The following CDH12 variants were observed in gnomAD, a reference collection of about 807,000 sequenced individuals.
CDH12 encodes the protein cadherin 12.
CDH12 carries 41 observed loss-of-function variants against 74.1 expected under a neutral mutation model. The ratio of observed to expected loss-of-function variants is 0.55; its 90% CI spans 0.43 to 0.72. CDH12 has a LOEUF of 0.72. CDH12 is among the 30% of genes least tolerant of loss of function. CDH12 has a pLI of 0.00. For synonymous variants in CDH12, 399 were observed against 355.0 expected, an observed-to-expected ratio of 1.12 and a Z score of -1.39; for missense variants, 945 against 977.2, an observed-to-expected ratio of 0.97 and a Z score of 0.44.
At chr5:22,191,443 G>T (rs1391019521) in intron 4 of CDH12, among the ~76,000 whole-genome samples, 18 of 151,792 alleles carry the variant, frequency 1.2e-4, no homozygotes, top group Non-Finnish European at 2.2e-4. Flanking sequence ...AATGATAAAT[G>T]GTGTCATATT....
chr5:21,893,160 T>C (rs1752969055), intron 6 of CDH12, among the ~76,000 whole-genome samples: 1 of 152,172 alleles, frequency 6.6e-6, no homozygotes, highest in African/African-American at 2.4e-5. Context: ...GTAAACGACT[T>C]AGAAGAGTTT....
intron 5 of CDH12, among the ~76,000 whole-genome samples, chr5:22,058,300 G>T (rs1480175702): frequency 1.3e-5 from 2 of 151,974 alleles, no homozygotes; most frequent in Non-Finnish European, 2.9e-5. Context: ...CAGACAATCT[G>T]TCTGCCTCGG....
At chr5:22,649,752 G>C (rs79837194) in intron 1 of CDH12, among the ~76,000 whole-genome samples, 7,965 of 151,874 alleles carry the variant, frequency 0.052, 619 homozygotes, top group African/African-American at 0.17. Context: ...CTTCAGAAAA[G>C]CTTTTTTGCA....
chr5:22,633,560 C>T (rs1349352495), intron 1 of CDH12, among the ~76,000 whole-genome samples: 1 of 152,098 alleles, frequency 6.6e-6, no homozygotes, highest in Non-Finnish European at 1.5e-5. Flanking sequence ...GTAGATGGAC[C>T]TCTCCAGTTG....
chr5:21,924,258 T>C (rs545562891), intron 6 of CDH12, among the ~76,000 whole-genome samples: 4 of 152,220 alleles, frequency 2.6e-5, no homozygotes, highest in Non-Finnish European at 5.9e-5. Flanking sequence ...CCGGGCACGG[T>C]GGTTCACGCC....
At chr5:21,948,316 G>A (rs887351195) in intron 6 of CDH12, among the ~76,000 whole-genome samples, 92 of 152,178 alleles carry the variant, frequency 6.0e-4, no homozygotes, top group African/African-American at 2.1e-3. Flanking sequence ...TGAAGGAACT[G>A]CCCAAGGCCA....
chr5:22,244,745 AAAG>A (rs1369961490), intron 3 of CDH12, among the ~76,000 whole-genome samples: 4 of 22,772 alleles, frequency 1.8e-4, no homozygotes, highest in Admixed American at 1.0e-3. Flanking sequence ...GAAAGAAAAG[AAAG>A]AAAGAAAGAA....
intron 5 of CDH12, among the ~76,000 whole-genome samples, chr5:22,016,585 C>T (rs1256508405): frequency 2.0e-5 from 3 of 151,946 alleles, no homozygotes; most frequent in Non-Finnish European, 2.9e-5. Context: ...GGGGTTTCAC[C>T]ATGTTGGCCA....
intron 4 of CDH12, among the ~76,000 whole-genome samples, chr5:22,102,600 C>A (rs1477750450): frequency 6.6e-6 from 1 of 151,898 alleles, no homozygotes; most frequent in Non-Finnish European, 1.5e-5. Flanking sequence ...ACCCGGGAGG[C>A]GTAGGTTGCA....
intron 1 of CDH12, among the ~76,000 whole-genome samples, chr5:22,605,192 A>T (rs977371526): frequency 1.3e-5 from 2 of 152,128 alleles, no homozygotes; most frequent in African/African-American, 4.8e-5. Context: ...CTGGCTTTGG[A>T]CCTCAGCTGT....
chr5:21,801,844 T>A (rs1027234807), intron 10 of CDH12, among the ~76,000 whole-genome samples: 3 of 152,224 alleles, frequency 2.0e-5, no homozygotes, highest in African/African-American at 7.2e-5. Context: ...TTACTAATTA[T>A]GAGAATCATT....
chr5:22,337,515 G>A (rs1404857301), intron 3 of CDH12, among the ~76,000 whole-genome samples: 1 of 152,116 alleles, frequency 6.6e-6, no homozygotes, highest in Non-Finnish European at 1.5e-5. Flanking sequence ...CTGGTCTCAT[G>A]ATAGTGAATG....
rs1479540898 is a variant in CDH12, at chr5:22,117,496, TATATA to T, written c.-186-38639_-186-38635del. On this transcript the variant is annotated intron_variant, in intron 4 of 14. Coordinates refer to ENST00000382254, the MANE Select transcript of CDH12 (RefSeq NM_004061.5). ...ATATATATTATATATATATTATATA[TATATA>T]ATATATATATAATATATATATAATA... is the stretch of plus-strand genomic sequence containing the variant. Among the ~76,000 whole-genome samples the T allele has an allele frequency of 3.3e-4, 25 of 74,638 alleles. 1 individual carries two copies. The highest frequency in any genetic ancestry group is 1.4e-3 in the African/African-American group (23 of 15,980). 49.0% of individuals were successfully genotyped at this position (74,638 alleles called of 152,430 possible).
chr5:22,150,364 T>G (rs1747484177), intron 4 of CDH12, among the ~76,000 whole-genome samples: 1 of 152,144 alleles, frequency 6.6e-6, no homozygotes, highest in South Asian at 2.1e-4. Flanking sequence ...TGCAAAGCCC[T>G]CAAAGTCAAG....
At chr5:21,950,749 AATTTT>A (rs1477148058) in intron 6 of CDH12, among the ~76,000 whole-genome samples, 2 of 130,974 alleles carry the variant, frequency 1.5e-5, no homozygotes, top group African/African-American at 2.7e-5. Context: ...CAGCTACATA[AATTTT>A]ATTTTATTAT....
chr5:21,898,815 T>C (rs1753249830), intron 6 of CDH12, among the ~76,000 whole-genome samples: 3 of 152,068 alleles, frequency 2.0e-5, no homozygotes, highest in African/African-American at 7.2e-5. Context: ...TCAAGCTGAA[T>C]GGAGAGATGT....
At chr5:22,483,763 T>TATATATATAA (rs902754630) in intron 2 of CDH12, among the ~76,000 whole-genome samples, 5 of 91,826 alleles carry the variant, frequency 5.4e-5, no homozygotes, top group South Asian at 3.9e-4. Context: ...TATATATATA[T>TATATATATAA]AAATTTAATT....
intron 1 of CDH12, among the ~76,000 whole-genome samples, chr5:22,594,078 A>G (rs1256513176): frequency 6.6e-6 from 1 of 152,198 alleles, no homozygotes; most frequent in African/African-American, 2.4e-5. Context: ...AAAGACTGAG[A>G]CTAAAGAGGG....
Position 22,747,074 on chromosome 5 carries a change from A to C in CDH12, c.-523+105984T>G, listed in dbSNP as rs1044416732. ...TTTTGATGTCCTAGTTCATTTCCTC[A>C]GTGCTTCTAGATCTTGAAAGTGATG... On this transcript the variant is annotated intron_variant, in intron 1 of 14. Transcript: ENST00000382254. Among the ~76,000 whole-genome samples, 35 of 152,156 alleles carry C rather than the reference A, an allele frequency of 2.3e-4. 1 individual carries two copies. Among genetic ancestry groups the C allele is most frequent in the African/African-American group, 8.2e-4 (34 of 41,434 alleles).
Sources: allele counts gnomAD v4.1 joint callset (sites outside exome capture counted in the v4.1 genomes callset), GRCh38; gene constraint gnomAD v4.1.1; transcripts MANE v1.5; gene names NCBI Gene and HGNC (gene_info 2026-07-23, HGNC 2026-07-21).